The following PIP5K1B variants were observed in gnomAD, a reference collection of about 807,000 sequenced individuals.
PIP5K1B encodes phosphatidylinositol 4-phosphate 5-kinase type-1 beta.
PIP5K1B carries 42 observed loss-of-function variants against 67.0 expected under a neutral mutation model. The ratio of observed to expected loss-of-function variants is 0.63; its 90% CI spans 0.49 to 0.81. The LOEUF is 0.81. Ranked by LOEUF, PIP5K1B falls within the 30% of genes least tolerant of loss-of-function variation. The pLI is 0.00. For synonymous variants in PIP5K1B, 214 were observed against 231.4 expected, an observed-to-expected ratio of 0.92 and a Z score of 0.68; for missense variants, 459 against 646.3, an observed-to-expected ratio of 0.71 and a Z score of 3.14.
Position 68,840,456 on chromosome 9 carries a change from C to T in PIP5K1B, c.69+17773C>T, listed in dbSNP as rs577560773. ...TGCTGCAGTCGCAAATTACTGCAAA[C>T]TTAGGGACTTAAAAACATTTATTAT... On this transcript the variant is annotated intron_variant, in intron 4 of 15. Transcript: ENST00000265382. Among the ~76,000 whole-genome samples the T allele has an allele frequency of 2.6e-5, 4 of 151,958 alleles. No homozygotes were observed. The East Asian group carries it at 7.7e-4, about 29-fold the overall frequency.
intron 4 of PIP5K1B, among the ~76,000 whole-genome samples, chr9:68,833,641 A>G (rs1158427877): frequency 6.6e-6 from 1 of 152,144 alleles, no homozygotes; most frequent in Non-Finnish European, 1.5e-5. Context: ...AGTTAGAGAA[A>G]TAGGCAGCAG....
chr9:68,909,317 C>T (rs1825751762), intron 8 of PIP5K1B, among the ~76,000 whole-genome samples: 1 of 151,442 alleles, frequency 6.6e-6, no homozygotes, highest in Admixed American at 6.6e-5. Context: ...AACTGCCTCT[C>T]TTCCCATATA....
chr9:68,828,656 A>G (rs1834117751), intron 4 of PIP5K1B, among the ~76,000 whole-genome samples: 1 of 152,230 alleles, frequency 6.6e-6, no homozygotes, highest in South Asian at 2.1e-4. Context: ...ACTTTGATCT[A>G]AAAGGAAGTA....
intron 4 of PIP5K1B, among the ~76,000 whole-genome samples, chr9:68,836,102 G>A (rs1834593527): frequency 1.3e-5 from 2 of 152,190 alleles, no homozygotes; most frequent in Non-Finnish European, 1.5e-5. Context: ...AGACAGTAGG[G>A]TAAGGGAAGG....
intron 6 of PIP5K1B, 146 bp from the exon 7 acceptor site, chr9:68,888,835 C>A (rs1356886779): frequency 2.1e-5 from 11 of 530,320 alleles, no homozygotes; most frequent in African/African-American, 3.8e-5. Context: ...AAAGAGCCTT[C>A]TCGGTATACG....
intron 2 of PIP5K1B, among the ~76,000 whole-genome samples, chr9:68,769,259 T>C (rs756180226): frequency 2.0e-5 from 3 of 152,236 alleles, no homozygotes; most frequent in Non-Finnish European, 4.4e-5. Context: ...ATCTTTCTGT[T>C]CTGTGACACA....
intron 1 of PIP5K1B, among the ~76,000 whole-genome samples, chr9:68,717,170 C>G (rs983648258): frequency 1.3e-5 from 2 of 152,080 alleles, no homozygotes; most frequent in African/African-American, 4.8e-5. Context: ...CAATTGAAGC[C>G]CAATCCTCAA....
intron 1 of PIP5K1B, among the ~76,000 whole-genome samples, chr9:68,723,906 G>C (rs1298812498): frequency 6.6e-6 from 1 of 151,564 alleles, no homozygotes; most frequent in East Asian, 1.9e-4. Flanking sequence ...TTTTGTTTTT[G>C]TTGCCTGTGC....
chr9:68,911,497 A>G (rs1825849074), intron 8 of PIP5K1B, among the ~76,000 whole-genome samples: 1 of 152,242 alleles, frequency 6.6e-6, no homozygotes, highest in Admixed American at 6.5e-5. Flanking sequence ...GTAGCCATGA[A>G]GTATGAAATC....
At chr9:68,903,195 C>T (rs537946914) in intron 8 of PIP5K1B, among the ~76,000 whole-genome samples, 8 of 152,066 alleles carry the variant, frequency 5.3e-5, no homozygotes, top group Non-Finnish European at 8.8e-5. Context: ...TTAGCTCACT[C>T]GAGAGTTCTT....
intron 8 of PIP5K1B, among the ~76,000 whole-genome samples, chr9:68,902,821 T>A (rs537957380): frequency 9.8e-5 from 15 of 152,356 alleles, no homozygotes; most frequent in African/African-American, 1.4e-4. Flanking sequence ...AGTGTGTATT[T>A]AAGTCTCTTG....
Position 68,714,006 on chromosome 9 carries a change from T to G in PIP5K1B, c.-243+8244T>G, listed in dbSNP as rs77869382. Among the ~76,000 whole-genome samples the G allele has an allele frequency of 4.6e-5, 7 of 152,358 alleles. No homozygotes were observed. The East Asian group carries it at 1.4e-3, about 29-fold the overall frequency. ...ATGGCACAAAGGTTCTAGCCCTGGC[T>G]TTTCTGACTATGAAGCCCATACTCT... is the stretch of plus-strand genomic sequence containing the variant. On this transcript the variant is annotated intron_variant, in intron 1 of 15. Coordinates refer to ENST00000265382, the MANE Select transcript of PIP5K1B (RefSeq NM_003558.4).
At position 68,925,795 on chromosome 9, in the gene PIP5K1B, A is replaced by ATTTTTTTTTTTTTTTTTT. The variant is rs71353094; in HGVS notation, c.1201+2412_1201+2429dup. On this transcript the variant is annotated intron_variant, in intron 12 of 15. Transcript: ENST00000265382. The stretch of plus-strand genomic sequence containing the variant: ...ACATGAATACCAGCTTGTGGTTCCA[A>ATTTTTTTTTTTTTTTTTT]TTTTTTTTTTTTTTTTTTTTGAGAC... Among the ~76,000 whole-genome samples, 143 of 73,276 alleles carry ATTTTTTTTTTTTTTTTTT rather than the reference A, an allele frequency of 2.0e-3. 23 individuals carry two copies. Among genetic ancestry groups the ATTTTTTTTTTTTTTTTTT allele is most frequent in the African/African-American group, 5.8e-3 (102 of 17,552 alleles). 48.1% of individuals were successfully genotyped at this position (73,276 alleles called of 152,430 possible). A position where few individuals can be genotyped will look rare whatever the true frequency, so the allele number is the denominator to read the frequency against.
intron 14 of PIP5K1B, among the ~76,000 whole-genome samples, chr9:68,973,790 C>A (rs552174646): frequency 6.6e-6 from 1 of 152,298 alleles, no homozygotes; most frequent in South Asian, 2.1e-4. Context: ...GAATGCTAAC[C>A]CCTACAGACA....
intron 1 of PIP5K1B, among the ~76,000 whole-genome samples, chr9:68,715,047 C>T (rs1342372294): frequency 1.3e-5 from 2 of 152,234 alleles, no homozygotes; most frequent in Non-Finnish European, 2.9e-5. Context: ...CCAAAAGGCA[C>T]CTGTCTCTGA....
chr9:68,971,158 C>G (rs889332446), intron 14 of PIP5K1B, among the ~76,000 whole-genome samples: 1 of 152,120 alleles, frequency 6.6e-6, no homozygotes, highest in Non-Finnish European at 1.5e-5. Context: ...CCCCACTCCC[C>G]GACAGGCCCC....
chr9:68,939,224 T>C (rs1458185596), intron 13 of PIP5K1B, among the ~76,000 whole-genome samples: 1 of 152,162 alleles, frequency 6.6e-6, no homozygotes, highest in African/African-American at 2.4e-5. Flanking sequence ...TCCTCATGGG[T>C]TGAGGGGTCA....
intron 5 of PIP5K1B, 59 bp from the exon 6 acceptor site, chr9:68,876,618 A>T (rs1456131163): frequency 2.7e-5 from 26 of 954,580 alleles, no homozygotes; most frequent in Non-Finnish European, 3.9e-5. Flanking sequence ...ATTTGCGGTC[A>T]AAATTGTCCT....
chr9:68,907,928 A>G (rs773791281), intron 8 of PIP5K1B, among the ~76,000 whole-genome samples: 6 of 152,230 alleles, frequency 3.9e-5, no homozygotes, highest in Non-Finnish European at 8.8e-5. Context: ...TTCTTTGTCC[A>G]TAGAGTAATA....
Sources: gnomAD v4.1 joint callset for allele counts (sites outside exome capture counted in the v4.1 genomes callset) on GRCh38, gnomAD v4.1.1 for gene constraint, MANE v1.5 for transcripts, NCBI Gene and HGNC (gene_info 2026-07-23, HGNC 2026-07-21) for gene names.